MMP16: variants seen among roughly 807,000 people sequenced by gnomAD.
MMP16 encodes the protein matrix metalloproteinase-16.
A neutral mutation model predicts 67.8 loss-of-function variants in MMP16; 12 were observed. That is an observed-to-expected ratio of 0.18 (90% CI 0.11 to 0.29). The LOEUF (loss-of-function observed/expected upper bound fraction) is 0.29. MMP16 is among the 10% of genes least tolerant of loss of function. The pLI is 1.00. For missense variants in MMP16, 475 were observed against 765.7 expected, an observed-to-expected ratio of 0.62 and a Z score of 4.48; for synonymous variants, 249 against 255.9, an observed-to-expected ratio of 0.97 and a Z score of 0.26.
At position 88,034,392 on chromosome 8, in the gene MMP16, G is replaced by A. The variant is rs886392308; in HGVS notation, c.*7069C>T. On this transcript the variant is annotated 3_prime_UTR_variant, in exon 10 of 10. Coordinates refer to ENST00000286614, the MANE Select transcript of MMP16 (RefSeq NM_005941.5). ...ACAAATAACGATCTTAGAATTGGAG[G>A]AGCAGAAAAACCAGGCACACATACC... The A allele has an allele frequency of 1.3e-5, 2 of 152,366 alleles. No individual in the cohort carries two copies. Among genetic ancestry groups the A allele is most frequent in the Non-Finnish European group, 2.9e-5 (2 of 67,936 alleles). The allele number at this position is 152,366 out of a possible 1,614,324, so 9.4% of individuals were successfully genotyped here.
chr8:88,265,745 CT>C (rs1032909390), intron 1 of MMP16, among the ~76,000 whole-genome samples: 11 of 152,104 alleles, frequency 7.2e-5, no homozygotes, highest in African/African-American at 2.7e-4. Context: ...AAAATTTATG[CT>C]TTGGAAAATA....
chr8:88,080,628 G>T (rs1808731130), intron 6 of MMP16, among the ~76,000 whole-genome samples: 1 of 151,978 alleles, frequency 6.6e-6, no homozygotes, highest in Non-Finnish European at 1.5e-5. Context: ...TAGAGATGAG[G>T]TTTCACCACG....
chr8:88,188,638 A>C (rs1417889873), intron 2 of MMP16, among the ~76,000 whole-genome samples: 1 of 151,920 alleles, frequency 6.6e-6, no homozygotes, highest in Non-Finnish European at 1.5e-5. Context: ...AAGTGTGTAC[A>C]TCTTCCAAAG....
At chr8:88,057,727 C>T (rs1185387573) in intron 7 of MMP16, among the ~76,000 whole-genome samples, 1 of 152,078 alleles carries the variant, frequency 6.6e-6, no homozygotes, top group Non-Finnish European at 1.5e-5. Flanking sequence ...AGTTTGTAAC[C>T]ATGGGTAATC....
intron 1 of MMP16, among the ~76,000 whole-genome samples, chr8:88,199,330 G>T (rs1436039130): frequency 5.3e-5 from 8 of 152,008 alleles, no homozygotes; most frequent in African/African-American, 1.9e-4. Flanking sequence ...TTAAAATAAT[G>T]TAAAAAATGA....
intron 4 of MMP16, among the ~76,000 whole-genome samples, chr8:88,131,497 A>C (rs1356506119): frequency 1.3e-5 from 2 of 151,772 alleles, no homozygotes; most frequent in African/African-American, 4.8e-5. Context: ...AACCAGAAAC[A>C]CACACTATTC....
intron 1 of MMP16, among the ~76,000 whole-genome samples, chr8:88,223,397 T>C (rs1809717314): frequency 6.6e-6 from 1 of 152,056 alleles, no homozygotes; most frequent in Non-Finnish European, 1.5e-5. Context: ...TGCACACGTA[T>C]GTTTATTGTG....
At chr8:88,165,511 T>C (rs1808698016) in intron 4 of MMP16, among the ~76,000 whole-genome samples, 1 of 152,074 alleles carries the variant, frequency 6.6e-6, no homozygotes, top group Non-Finnish European at 1.5e-5. Flanking sequence ...AATTCTACCA[T>C]TATAAGTGCT....
intron 1 of MMP16, among the ~76,000 whole-genome samples, chr8:88,276,785 G>C (rs1324601078): frequency 6.6e-6 from 1 of 152,004 alleles, no homozygotes. Context: ...GAGAACCCGA[G>C]TAAGATTTAT....
intron 1 of MMP16, among the ~76,000 whole-genome samples, chr8:88,277,003 A>C (rs1398968845): frequency 6.6e-6 from 1 of 152,164 alleles, no homozygotes; most frequent in Non-Finnish European, 1.5e-5. Context: ...TTTTCACTGT[A>C]AAATGTTTTC....
At chr8:88,053,131 A>G (rs962844771) in intron 8 of MMP16, among the ~76,000 whole-genome samples, 1 of 152,184 alleles carries the variant, frequency 6.6e-6, no homozygotes, top group Non-Finnish European at 1.5e-5. Flanking sequence ...TTAAGGAAGC[A>G]GGCACTAGAG....
At chr8:88,248,822 AT>A (rs1810161504) in intron 1 of MMP16, among the ~76,000 whole-genome samples, 1 of 151,742 alleles carries the variant, frequency 6.6e-6, no homozygotes, top group Non-Finnish European at 1.5e-5. Context: ...CTGTTTCCCA[AT>A]TATACTGCAG....
At chr8:88,270,526 T>A (rs1810548377) in intron 1 of MMP16, among the ~76,000 whole-genome samples, 1 of 152,190 alleles carries the variant, frequency 6.6e-6, no homozygotes, top group African/African-American at 2.4e-5. Context: ...CACTGAATAT[T>A]TACAATAACT....
At chr8:88,151,702 G>A (rs1410858192) in intron 4 of MMP16, among the ~76,000 whole-genome samples, 1 of 151,496 alleles carries the variant, frequency 6.6e-6, no homozygotes, top group African/African-American at 2.4e-5. Flanking sequence ...TCTCTGGGAT[G>A]CATTCAAAGC....
Position 88,197,255 on chromosome 8 carries a change from C to G in MMP16, c.184G>C (p.Val62Leu). 1 of 1,601,430 alleles carries G rather than the reference C, an allele frequency of 6.2e-7. No homozygotes were observed. The highest frequency in any genetic ancestry group is 1.7e-4 in the Middle Eastern group (1 of 6,038). ...YLPPTDPRMS[V>L]LRSAETMQSA... The stretch of plus-strand genomic sequence containing the variant: ...TGCATGGTCTCTGCAGAGCGCAGCA[C>G]TGACATTCTGGGGTCAGTCGGTGGA... Residue 62 changes from valine (V) to leucine (L), a missense_variant, in exon 2 of 10, where the codon GTG (valine) becomes CTG (leucine). Around this residue, in one of 5 missense-constraint regions of MMP16, gnomAD observed 170 missense variants for 239.6 expected, o/e 0.71. Coordinates refer to ENST00000286614, the MANE Select transcript of MMP16 (RefSeq NM_005941.5).
Position 88,081,637 on chromosome 8 carries a change from G to T in MMP16, c.1084-6894C>A, listed in dbSNP as rs539696685. On this transcript the variant is annotated intron_variant, in intron 6 of 9. Coordinates refer to ENST00000286614, the MANE Select transcript of MMP16 (RefSeq NM_005941.5). ...GATGATGGCTAATACCAATGATTAG[G>T]TTAAATTTATGCATTTTTAGGGTAT... Among the ~76,000 whole-genome samples, 8 of 152,102 alleles carry T rather than the reference G, an allele frequency of 5.3e-5. No individual in the cohort carries two copies. In the South Asian group the frequency reaches 1.7e-3, roughly 32 times the overall value.
At chr8:88,043,868 CAG>C (rs1808165439) in intron 9 of MMP16, among the ~76,000 whole-genome samples, 2 of 152,134 alleles carry the variant, frequency 1.3e-5, no homozygotes, top group Non-Finnish European at 2.9e-5. Context: ...TGCCAAATAA[CAG>C]TACATTAGAT....
At chr8:88,281,059 A>G (rs146882856) in intron 1 of MMP16, among the ~76,000 whole-genome samples, 1 of 152,346 alleles carries the variant, frequency 6.6e-6, no homozygotes, top group African/African-American at 2.4e-5. Context: ...GCAGGAGCAG[A>G]AAGTCATAAA....
intron 1 of MMP16, among the ~76,000 whole-genome samples, chr8:88,224,704 G>A (rs971500206): frequency 1.3e-4 from 19 of 151,842 alleles, no homozygotes; most frequent in African/African-American, 4.4e-4. Flanking sequence ...CTACTTTTAT[G>A]ACAAGTTTAA....
Sources: gnomAD v4.1 joint callset for allele counts (sites outside exome capture counted in the v4.1 genomes callset) on GRCh38, gnomAD v4.1.1 for gene constraint, gnomAD v4.1.1 regional missense constraint, MANE v1.5 for transcripts, NCBI Gene and HGNC (gene_info 2026-07-23, HGNC 2026-07-21) for gene names.